The following CAPN7 variants were observed in gnomAD, a reference collection of about 807,000 sequenced individuals.
The protein encoded by CAPN7 is calpain 7.
Under a neutral mutation model 115.2 loss-of-function variants are expected in CAPN7, and 72 were observed. The ratio of observed to expected loss-of-function variants is 0.63; its 90% CI spans 0.52 to 0.76. The LOEUF is 0.76. Among genes scored for constraint, CAPN7 ranks in the 30% least tolerant of loss-of-function variants. The pLI, the probability that CAPN7 is intolerant of heterozygous loss-of-function variation, is 0.00. For missense variants in CAPN7, 905 were observed against 971.5 expected (o/e 0.93, Z 0.91); for synonymous variants, 344 against 322.3 (o/e 1.07, Z -0.72).
intron 1 of CAPN7, chr3:15,210,924 T>C: frequency 8.3e-7 from 1 of 1,206,840 alleles, no homozygotes; most frequent in East Asian, 6.9e-5. Context: ...GCAGAGAAGG[T>C]GCTGTTACTT....
chr3:15,216,095 A>G (rs2045234553), intron 2 of CAPN7, among the ~76,000 whole-genome samples: 1 of 152,114 alleles, frequency 6.6e-6, no homozygotes, highest in African/African-American at 2.4e-5. Context: ...CTCAAAAAAA[A>G]AAAATTCATG....
Position 15,206,614 on chromosome 3 carries a change from C to G in CAPN7, c.102+17C>G. 7 of 1,531,184 alleles carry G rather than the reference C, an allele frequency of 4.6e-6. No individual in the cohort carries two copies. The highest frequency in any genetic ancestry group is 6.2e-6 in the Non-Finnish European group (7 of 1,134,552). 94.8% of individuals were successfully genotyped at this position (1,531,184 alleles called of 1,614,324 possible). On this transcript the variant is annotated intron_variant, in intron 1 of 20. Coordinates refer to ENST00000253693, the MANE Select transcript of CAPN7 (RefSeq NM_014296.3). ...TATTACAAGGTAGGGCCGGGCCCGG[C>G]GCTTCGGTCGGAGTTGCTCAGTCGG...
At chr3:15,243,816 G>T (rs962966278) in intron 16 of CAPN7, among the ~76,000 whole-genome samples, 4 of 151,990 alleles carry the variant, frequency 2.6e-5, no homozygotes, top group African/African-American at 9.7e-5. Flanking sequence ...GGAGGGAGAG[G>T]AATAGAAAAG....
At chr3:15,247,480 A>C (rs1373858302) in intron 19 of CAPN7, 23 bp downstream of exon 19, 6 of 1,570,622 alleles carry the variant, frequency 3.8e-6, no homozygotes. Flanking sequence ...TAACTTTCTT[A>C]AATTAATGAT....
Position 15,241,865 on chromosome 3 carries a change from A to G in CAPN7, c.1788+277A>G, listed in dbSNP as rs77819542. 1.3e-4 allele frequency among the ~76,000 whole-genome samples: 20 copies of G among 152,310 alleles called. No individual in the cohort carries two copies. The East Asian group carries it at 3.9e-3, about 29-fold the overall frequency. On this transcript the variant is annotated intron_variant, in intron 15 of 20. Coordinates refer to ENST00000253693, the MANE Select transcript of CAPN7 (RefSeq NM_014296.3). Reference sequence around the variant, plus strand: ...TTGATCGTGTATAGTTTAGATCTTAATATTAACATTGAAATATGCTGAAGG... The same window carrying G: ...TTGATCGTGTATAGTTTAGATCTTAGTATTAACATTGAAATATGCTGAAGG...
intron 2 of CAPN7, among the ~76,000 whole-genome samples, chr3:15,216,150 C>A (rs1288983483): frequency 2.0e-5 from 3 of 152,042 alleles, no homozygotes. Flanking sequence ...TCTTGGAATT[C>A]CACCCAGAAG....
At chr3:15,241,636 T>A in intron 15 of CAPN7, 48 bp downstream of exon 15, 2 of 1,527,952 alleles carry the variant, frequency 1.3e-6, no homozygotes, top group South Asian at 2.4e-5. Flanking sequence ...TTTTTTAATA[T>A]AGTTAGAACA....
intron 4 of CAPN7, among the ~76,000 whole-genome samples, chr3:15,219,391 CCTT>C (rs1693830197): frequency 6.6e-6 from 1 of 152,126 alleles, no homozygotes; most frequent in Non-Finnish European, 1.5e-5. Flanking sequence ...CACCCCAAGC[CCTT>C]CTTTTTTTAA....
intron 6 of CAPN7, among the ~76,000 whole-genome samples, chr3:15,224,874 A>G (rs562096446): frequency 1.5e-3 from 232 of 152,298 alleles, no homozygotes; most frequent in Non-Finnish European, 2.6e-3. Flanking sequence ...GCCAGTTAAC[A>G]TATTTTTTTC....
Position 15,217,536 on chromosome 3 carries a change from A to G in CAPN7, c.323A>G (p.Asp108Gly). 6.2e-7 allele frequency: 1 copy of G among 1,613,914 alleles called. No individual in the cohort carries two copies. ...FDEDEKENVE[D>G]AIELYTEAVD... ...GAAGATGAAAAAGAGAATGTTGAAG[A>G]TGCTATAGAATTGTACACAGAAGCT... Residue 108 changes from aspartate (D) to glycine (G), a missense_variant, in exon 3 of 21, where the codon GAT becomes GGT. Physicochemically the swap from Asp to Gly is moderately conservative, Grantham distance 94. Transcript: ENST00000253693.
Position 15,251,002 on chromosome 3 carries a change from G to A in CAPN7, c.2276G>A (p.Arg759Lys). ...GATCCTGGTCCCCATGGCTTTCTGA[G>A]GAAATCTAGTGGTGACTATAGGTAA... ...LGDPGPHGFL[R>K]KSSGDYRCGF... Residue 759 changes from arginine to lysine, a missense_variant, in exon 20 of 21, where the codon AGG becomes AAG. Physicochemically the swap from Arg to Lys is conservative, Grantham distance 26. This residue lies in a region of CAPN7 where 620 missense variants were observed against 703.4 expected (regional missense o/e 0.88). Coordinates refer to ENST00000253693, the MANE Select transcript of CAPN7 (RefSeq NM_014296.3). The A allele has an allele frequency of 6.2e-7, 1 of 1,613,388 alleles. No homozygotes were observed. The highest frequency in any genetic ancestry group is 8.5e-7 in the Non-Finnish European group (1 of 1,179,438).
At chr3:15,228,272 A>T (rs1694447069) in intron 7 of CAPN7, among the ~76,000 whole-genome samples, 1 of 152,206 alleles carries the variant, frequency 6.6e-6, no homozygotes, top group African/African-American at 2.4e-5. Context: ...AGGATATTTA[A>T]TTATTTGAGT....
chr3:15,209,167 C>T (rs981036884), intron 1 of CAPN7, among the ~76,000 whole-genome samples: 1 of 151,998 alleles, frequency 6.6e-6, no homozygotes, highest in African/African-American at 2.4e-5. Flanking sequence ...TGCACCACCA[C>T]CCCCGGCTAA....
intron 20 of CAPN7, 39 bp downstream of exon 20, chr3:15,251,062 A>G (rs1268634242): frequency 1.0e-5 from 16 of 1,596,986 alleles, no homozygotes; most frequent in Middle Eastern, 3.3e-4. Flanking sequence ...TTTATACTTT[A>G]CTTTTTGTGG....
At chr3:15,249,912 A>G (rs1695901659) in intron 19 of CAPN7, among the ~76,000 whole-genome samples, 1 of 151,552 alleles carries the variant, frequency 6.6e-6, no homozygotes, top group Non-Finnish European at 1.5e-5. Context: ...CTACAGGTGC[A>G]CACCACCATG....
In CAPN7 at chr3:15,242,167, T is replaced by C. The variant is rs889031905; in HGVS notation, c.1789-11T>C. On this transcript the variant is annotated splice_polypyrimidine_tract_variant and intron_variant, in intron 15 of 20. Coordinates refer to ENST00000253693, the MANE Select transcript of CAPN7 (RefSeq NM_014296.3). ...CATTTTCTAACCACATTGGATTCTT[T>C]GTGATTTTAGGATGATTTTGCGAAT... is the stretch of plus-strand genomic sequence containing the variant. 6.3e-7 allele frequency: 1 copy of C among 1,581,856 alleles called. No homozygotes were observed. The highest frequency in any genetic ancestry group is 8.6e-7 in the Non-Finnish European group (1 of 1,160,996).
intron 7 of CAPN7, among the ~76,000 whole-genome samples, 197 bp downstream of exon 7, chr3:15,228,162 A>G (rs1694441134): frequency 6.6e-6 from 1 of 152,196 alleles, no homozygotes; most frequent in African/African-American, 2.4e-5. Flanking sequence ...GAGTGATTAC[A>G]GATTTTTATG....
At chr3:15,245,765 A>C in intron 17 of CAPN7, 94 bp downstream of exon 17, 2 of 979,072 alleles carry the variant, frequency 2.0e-6, no homozygotes, top group South Asian at 5.6e-5. Flanking sequence ...GAAAAAGTTT[A>C]TTTCTGAAAA....
At chr3:15,216,709 G>C (rs911244964) in intron 2 of CAPN7, among the ~76,000 whole-genome samples, 1 of 152,094 alleles carries the variant, frequency 6.6e-6, no homozygotes, top group African/African-American at 2.4e-5. Context: ...CCTTAAAATA[G>C]ATTTCTTAAT....
Sources: gnomAD v4.1 joint callset for allele counts (sites outside exome capture counted in the v4.1 genomes callset) on GRCh38, gnomAD v4.1.1 for gene constraint, gnomAD v4.1.1 regional missense constraint, MANE v1.5 for transcripts, NCBI Gene and HGNC (gene_info 2026-07-23, HGNC 2026-07-21) for gene names.